TTC7B: variants seen among roughly 807,000 people sequenced by gnomAD.
TTC7B encodes tetratricopeptide repeat domain 7B.
TTC7B carries 28 observed loss-of-function variants against 106.8 expected under a neutral mutation model. The observed-to-expected ratio is 0.26, with a 90% CI of 0.19 to 0.36. TTC7B has a LOEUF of 0.36. TTC7B is among the 10% of genes least tolerant of loss of function. The pLI is 1.00. For synonymous variants in TTC7B, 405 were observed against 430.6 expected, an observed-to-expected ratio of 0.94 and a Z score of 0.74; for missense variants, 862 against 1,076.4, an observed-to-expected ratio of 0.80 and a Z score of 2.79.
chr14:90,793,739 G>C (rs1490107743), intron 1 of TTC7B, among the ~76,000 whole-genome samples: 1 of 151,266 alleles, frequency 6.6e-6, no homozygotes, highest in African/African-American at 2.4e-5. Flanking sequence ...CTCCCGAGTA[G>C]CTGGGATTAC....
intron 19 of TTC7B, among the ~76,000 whole-genome samples, chr14:90,555,233 A>C (rs1194961214): frequency 6.6e-6 from 1 of 152,116 alleles, no homozygotes; most frequent in Non-Finnish European, 1.5e-5. Flanking sequence ...AGCACTCCCT[A>C]CACCAACCTG....
chr14:90,710,350 A>G (rs1888397891), intron 5 of TTC7B, among the ~76,000 whole-genome samples: 1 of 152,232 alleles, frequency 6.6e-6, no homozygotes, highest in Non-Finnish European at 1.5e-5. Context: ...TCTTACAGAT[A>G]TACAAAGAAA....
intron 15 of TTC7B, among the ~76,000 whole-genome samples, chr14:90,633,038 A>T (rs2139867092): frequency 6.6e-6 from 1 of 152,358 alleles, no homozygotes; most frequent in East Asian, 1.9e-4. Flanking sequence ...GTTGACATGT[A>T]TAAGAGCTGA....
rs572901862 is a variant in TTC7B at position 90,682,617 on chromosome 14, G to A, written c.951-2082C>T. 5.3e-5 allele frequency among the ~76,000 whole-genome samples: 8 copies of A among 152,164 alleles called. No individual in the cohort carries two copies. The South Asian group carries it at 6.2e-4, about 12-fold the overall frequency. On this transcript the variant is annotated intron_variant, in intron 7 of 19. Transcript: ENST00000328459. ...TGGCCTTCTCCTCTTTGGGGCCCAC[G>A]AGCCTCAGGGGGAGATACTGGGGTA...
intron 17 of TTC7B, among the ~76,000 whole-genome samples, chr14:90,601,852 G>A (rs779142899): frequency 1.3e-5 from 2 of 152,188 alleles, no homozygotes; most frequent in African/African-American, 2.4e-5. Context: ...GAATAACTAT[G>A]GAATTTACAT....
At chr14:90,683,922 T>C (rs905221024) in intron 7 of TTC7B, among the ~76,000 whole-genome samples, 4 of 152,168 alleles carry the variant, frequency 2.6e-5, no homozygotes, top group African/African-American at 7.2e-5. Flanking sequence ...TTTTATTTTA[T>C]TTATTTATTT....
chr14:90,646,714 C>A (rs1482197100), intron 14 of TTC7B: 1 of 512,620 alleles, frequency 2.0e-6, no homozygotes, highest in African/African-American at 1.9e-5. Context: ...CTTGGGCCCT[C>A]CAGCTGTGTG....
chr14:90,738,630 T>A (rs1303001003), intron 4 of TTC7B, among the ~76,000 whole-genome samples: 2 of 151,100 alleles, frequency 1.3e-5, no homozygotes, highest in Non-Finnish European at 2.9e-5. Context: ...GAGGTTAGTA[T>A]AACTTGTAGA....
chr14:90,614,760 C>T (rs1388986468), intron 16 of TTC7B, among the ~76,000 whole-genome samples: 8 of 152,226 alleles, frequency 5.3e-5, no homozygotes, highest in Admixed American at 5.2e-4. Context: ...TTGAAGATAA[C>T]ACATCAGTGG....
chr14:90,806,402 C>G (rs1033900978), intron 1 of TTC7B, among the ~76,000 whole-genome samples: 12 of 152,228 alleles, frequency 7.9e-5, no homozygotes, highest in Admixed American at 5.2e-4. Flanking sequence ...AGAACCCCAC[C>G]TCCCCGCTGC....
intron 4 of TTC7B, among the ~76,000 whole-genome samples, chr14:90,735,716 T>TTA (rs374115722): frequency 0.043 from 6,448 of 150,818 alleles, 176 homozygotes; most frequent in Non-Finnish European, 0.059. Context: ...TTTTTTTTTT[T>TTA]AAAAAACCTA....
intron 19 of TTC7B, among the ~76,000 whole-genome samples, chr14:90,562,353 T>A (rs1277966272): frequency 1.3e-5 from 2 of 152,198 alleles, no homozygotes; most frequent in African/African-American, 4.8e-5. Flanking sequence ...GAAGTCTCCC[T>A]TTTCAATACT....
chr14:90,593,523 G>C lies in TTC7B; in HGVS notation c.2070C>G (p.His690Gln). The C allele has an allele frequency of 6.2e-7, 1 of 1,610,170 alleles. No homozygotes were observed. Among genetic ancestry groups the C allele is most frequent in the Non-Finnish European group, 8.5e-7 (1 of 1,177,706 alleles). Reference protein sequence around the residue: ...QSSAPKQGPLHPWMTLAQIWL... With the variant: ...QSSAPKQGPLQPWMTLAQIWL... ...AGATCTGTGCCAGCGTCATCCAGGG[G>C]TGCAGCGGGCCCTGCTTAGGGGCAC... Residue 690 changes from histidine to glutamine, a missense_variant, in exon 18 of 20, where the codon CAC (histidine) becomes CAG (glutamine). Physicochemically the swap from His to Gln is conservative, Grantham distance 24. Coordinates refer to ENST00000328459, the MANE Select transcript of TTC7B (RefSeq NM_001010854.2).
intron 19 of TTC7B, among the ~76,000 whole-genome samples, chr14:90,564,832 G>A (rs1890722937): frequency 6.6e-6 from 1 of 152,170 alleles, no homozygotes; most frequent in South Asian, 2.1e-4. Context: ...AATCACTTGA[G>A]CCCGGGAGTT....
At position 90,799,440 on chromosome 14, in the gene TTC7B, AAAAGGGCCAGACAGTGGTAAGAG is replaced by A. The variant is rs1374330262; in HGVS notation, c.122-13135_122-13113del. 7.2e-5 allele frequency among the ~76,000 whole-genome samples: 11 copies of A among 152,324 alleles called. No individual in the cohort carries two copies. The South Asian group carries it at 2.3e-3, about 32-fold the overall frequency. ...CAGGGAAGACAAAGAGATAAACCAG[AAAAGGGCCAGACAGTGGTAAGAG>A]CTGTGCAGAGAAAAGAGGGTGACTG... On this transcript the variant is annotated intron_variant, in intron 1 of 19. Transcript: ENST00000328459.
intron 19 of TTC7B, among the ~76,000 whole-genome samples, chr14:90,547,351 G>T (rs1265399824): frequency 6.6e-6 from 1 of 152,258 alleles, no homozygotes; most frequent in Non-Finnish European, 1.5e-5. Flanking sequence ...TTGCTGCCCA[G>T]GGGCTAAACA....
intron 3 of TTC7B, among the ~76,000 whole-genome samples, chr14:90,777,739 C>A (rs117048218): frequency 6.6e-6 from 1 of 152,206 alleles, no homozygotes; most frequent in Non-Finnish European, 1.5e-5. Context: ...AGAGCTAGGA[C>A]TGAGGGCCTC....
At chr14:90,557,861 C>T (rs865797593) in intron 19 of TTC7B, among the ~76,000 whole-genome samples, 14 of 152,152 alleles carry the variant, frequency 9.2e-5, no homozygotes, top group South Asian at 4.1e-4. Flanking sequence ...TTCTGGAAGG[C>T]GACTGGATTT....
At chr14:90,665,214 T>C (rs1430005557) in intron 9 of TTC7B, among the ~76,000 whole-genome samples, 2 of 152,234 alleles carry the variant, frequency 1.3e-5, no homozygotes, top group African/African-American at 4.8e-5. Context: ...CCAGGAAAGA[T>C]AGGTCCATTC....
Sources: gnomAD v4.1 joint callset for allele counts (sites outside exome capture counted in the v4.1 genomes callset) on GRCh38, gnomAD v4.1.1 for gene constraint, MANE v1.5 for transcripts, NCBI Gene and HGNC (gene_info 2026-07-23, HGNC 2026-07-21) for gene names.